Variants in TMEM131L observed in about 807,000 individuals in gnomAD.
The protein encoded by TMEM131L is transmembrane 131 like.
A neutral mutation model predicts 192.2 loss-of-function variants in TMEM131L; 54 were observed. The observed-to-expected ratio is 0.28, with a 90% CI of 0.23 to 0.35. TMEM131L has a LOEUF of 0.35. Among genes scored for constraint, TMEM131L ranks in the 10% least tolerant of loss-of-function variants. The pLI, the probability that TMEM131L is intolerant of heterozygous loss-of-function variation, is 1.00. For missense variants in TMEM131L, 1,888 were observed against 1,972.9 expected (o/e 0.96, Z 0.82); for synonymous variants, 701 against 704.9 (o/e 0.99, Z 0.09).
intron 3 of TMEM131L, among the ~76,000 whole-genome samples, chr4:153,540,541 C>G (rs771469706): frequency 5.3e-5 from 8 of 152,168 alleles, no homozygotes; most frequent in Non-Finnish European, 1.0e-4. Flanking sequence ...ATACATAACA[C>G]TGTGAGCCTG....
chr4:153,473,709 T>C, intron 2 of TMEM131L, 136 bp from the exon 3 acceptor site: 2 of 607,296 alleles, frequency 3.3e-6, no homozygotes, highest in Non-Finnish European at 5.7e-6. Context: ...GGAGAATTGC[T>C]TGAACCCAGG....
chr4:153,527,231 G>GT (rs1735554576), intron 3 of TMEM131L, among the ~76,000 whole-genome samples: 1 of 151,976 alleles, frequency 6.6e-6, no homozygotes, highest in Non-Finnish European at 1.5e-5. Context: ...AATTTTCATC[G>GT]TAATTATCAT....
intron 7 of TMEM131L, among the ~76,000 whole-genome samples, chr4:153,566,379 C>T (rs1285121411): frequency 6.6e-6 from 1 of 152,144 alleles, no homozygotes; most frequent in Non-Finnish European, 1.5e-5. Context: ...TCGTGATCCG[C>T]CCGCCTCAGC....
At chr4:153,623,799 T>C (rs1036959709) in intron 29 of TMEM131L, among the ~76,000 whole-genome samples, 5 of 152,196 alleles carry the variant, frequency 3.3e-5, no homozygotes, top group African/African-American at 1.2e-4. Context: ...CTGTCCCTTA[T>C]TTTTGAGAAA....
intron 3 of TMEM131L, among the ~76,000 whole-genome samples, chr4:153,488,715 G>A (rs1018348070): frequency 2.0e-5 from 3 of 152,176 alleles, no homozygotes; most frequent in South Asian, 2.1e-4. Context: ...CACAAACTGC[G>A]CGGCTTTAGA....
intron 3 of TMEM131L, among the ~76,000 whole-genome samples, chr4:153,502,621 A>G (rs1733696421): frequency 6.6e-6 from 1 of 152,266 alleles, no homozygotes. Flanking sequence ...GAAAAAGTTC[A>G]GTTTAACATT....
intron 4 of TMEM131L, among the ~76,000 whole-genome samples, chr4:153,550,902 A>G (rs185119273): frequency 3.2e-4 from 49 of 152,316 alleles, no homozygotes; most frequent in African/African-American, 1.1e-3. Context: ...ATGACTTTAC[A>G]GTATCATGTA....
intron 3 of TMEM131L, among the ~76,000 whole-genome samples, chr4:153,536,180 A>T (rs948720582): frequency 6.6e-6 from 1 of 152,074 alleles, no homozygotes. Flanking sequence ...ACTGGGGCAG[A>T]CCTGGCCACT....
At chr4:153,571,775 G>A (rs1307124741) in intron 7 of TMEM131L, among the ~76,000 whole-genome samples, 2 of 152,090 alleles carry the variant, frequency 1.3e-5, no homozygotes, top group East Asian at 1.9e-4. Flanking sequence ...TGCCCAGGCT[G>A]GTTTCAAACT....
chr4:153,528,025 C>T (rs974726443), intron 3 of TMEM131L, among the ~76,000 whole-genome samples: 5 of 152,262 alleles, frequency 3.3e-5, no homozygotes, highest in African/African-American at 1.2e-4. Context: ...TTTTCCTCAC[C>T]GTCTGGTCTG....
At chr4:153,586,921 T>C (rs1173423169) in intron 14 of TMEM131L, among the ~76,000 whole-genome samples, 1 of 152,174 alleles carries the variant, frequency 6.6e-6, no homozygotes, top group Non-Finnish European at 1.5e-5. Flanking sequence ...TCTTTAATAT[T>C]TATTTCTTTT....
At chr4:153,568,601 C>A (rs1729380421) in intron 7 of TMEM131L, among the ~76,000 whole-genome samples, 1 of 151,968 alleles carries the variant, frequency 6.6e-6, no homozygotes, top group Non-Finnish European at 1.5e-5. Context: ...TTTCCTATTA[C>A]CTGGCAATAT....
chr4:153,487,729 A>T (rs1292245682), intron 3 of TMEM131L, among the ~76,000 whole-genome samples: 10 of 148,694 alleles, frequency 6.7e-5, no homozygotes, highest in Middle Eastern at 3.5e-3. Flanking sequence ...TGAGAGAGAG[A>T]GAGAGAGAGA....
intron 3 of TMEM131L, among the ~76,000 whole-genome samples, chr4:153,542,475 A>G (rs1736861172): frequency 6.6e-6 from 1 of 152,200 alleles, no homozygotes; most frequent in Admixed American, 6.5e-5. Flanking sequence ...GCACGATCAC[A>G]TTCCCATTCA....
intron 27 of TMEM131L, among the ~76,000 whole-genome samples, chr4:153,621,304 A>T (rs1428806537): frequency 1.3e-5 from 2 of 152,142 alleles, no homozygotes; most frequent in Non-Finnish European, 2.9e-5. Flanking sequence ...ATAATAATGA[A>T]ACAGAATAGT....
intron 7 of TMEM131L, among the ~76,000 whole-genome samples, chr4:153,576,237 G>C (rs954706251): frequency 8.5e-5 from 13 of 152,180 alleles, no homozygotes; most frequent in Non-Finnish European, 1.9e-4. Flanking sequence ...TGGGATTACA[G>C]GCGTTGGCCA....
intron 3 of TMEM131L, among the ~76,000 whole-genome samples, chr4:153,525,766 C>T (rs1030650910): frequency 3.9e-5 from 6 of 152,178 alleles, no homozygotes; most frequent in African/African-American, 7.2e-5. Context: ...AATATTAAGG[C>T]GCACAGGAAT....
chr4:153,547,768 A>G (rs984588459), intron 3 of TMEM131L, among the ~76,000 whole-genome samples: 1 of 152,194 alleles, frequency 6.6e-6, no homozygotes, highest in African/African-American at 2.4e-5. Context: ...CCTGAACTTG[A>G]CACAGGGCTC....
Position 153,604,290 on chromosome 4 carries a change from C to G in TMEM131L, c.3278C>G (p.Thr1093Ser). Residue 1093 changes from threonine (T) to serine (S), a missense_variant, in exon 25 of 35, where the codon ACT becomes AGT. Physicochemically the swap from Thr to Ser is moderately conservative, Grantham distance 58 (BLOSUM62 1). Coordinates refer to ENST00000409959, the MANE Select transcript of TMEM131L (RefSeq NM_001131007.2). ...TTTCCTAAGGAAACTGACATTAAAA[C>G]TTCAGAGAACACAGCCGAGTTCAAG... ...CMFPKETDIK[T>S]SENTAEFKER... 1 of 1,614,158 alleles carries G rather than the reference C, an allele frequency of 6.2e-7. No homozygotes were observed. The highest frequency in any genetic ancestry group is 8.5e-7 in the Non-Finnish European group (1 of 1,180,022).
Sources: allele counts gnomAD v4.1 joint callset (sites outside exome capture counted in the v4.1 genomes callset), GRCh38; gene constraint gnomAD v4.1.1; transcripts MANE v1.5; gene names NCBI Gene and HGNC (gene_info 2026-07-23, HGNC 2026-07-21).